The following PPP2R5A variants were observed in gnomAD, a reference collection of about 807,000 sequenced individuals.
The protein encoded by PPP2R5A is protein phosphatase 2 regulatory subunit B'alpha.
A neutral mutation model predicts 64.2 loss-of-function variants in PPP2R5A; 25 were observed. That is an observed-to-expected ratio of 0.39 (90% confidence interval 0.28 to 0.54). PPP2R5A has a LOEUF of 0.54. PPP2R5A is among the 20% of genes least tolerant of loss of function. PPP2R5A has a pLI of 0.67. For missense variants in PPP2R5A, 425 were observed against 576.3 expected (o/e 0.74, Z 2.69); for synonymous variants, 198 against 201.2 (o/e 0.98, Z 0.13).
chr1:212,305,671 A>AT lies in PPP2R5A; in HGVS notation c.181+19384dup, dbSNP rs760010526. 9.2e-5 allele frequency among the ~76,000 whole-genome samples: 14 copies of AT among 151,594 alleles called. No homozygotes were observed. The South Asian group carries it at 2.9e-3, about 32-fold the overall frequency. ...AGGCTTCAACTATCATTGCTTTTGA[A>AT]TTTTCTATTTCTCTCTTTGTTTCTG... On this transcript the variant is annotated intron_variant, in intron 1 of 12. Coordinates refer to ENST00000261461, the MANE Select transcript of PPP2R5A (RefSeq NM_006243.4).
chr1:212,287,000 G>A (rs1255888272), intron 1 of PPP2R5A, among the ~76,000 whole-genome samples: 5 of 152,188 alleles, frequency 3.3e-5, no homozygotes, highest in African/African-American at 1.2e-4. Flanking sequence ...TTGGAAATAC[G>A]AAGGAGTAGG....
chr1:212,348,385 C>T lies in PPP2R5A; in HGVS notation c.765-4C>T. On this transcript the variant is annotated splice_region_variant and splice_polypyrimidine_tract_variant and intron_variant, in intron 6 of 12. Coordinates refer to ENST00000261461, the MANE Select transcript of PPP2R5A (RefSeq NM_006243.4). ...ACCCTTCCCCTGCCTTTTTTTCCCT[C>T]CAGTATTATCAATGGCTTTGCATTG... The T allele has an allele frequency of 6.3e-7, 1 of 1,584,644 alleles. No homozygotes were observed. Among genetic ancestry groups the T allele is most frequent in the Non-Finnish European group, 8.7e-7 (1 of 1,155,682 alleles).
intron 1 of PPP2R5A, among the ~76,000 whole-genome samples, chr1:212,295,390 G>C (rs1658675229): frequency 1.3e-5 from 2 of 152,330 alleles, no homozygotes; most frequent in South Asian, 4.1e-4. Context: ...ATGGTTCTTT[G>C]TTGGACAGGT....
At chr1:212,329,492 C>A (rs1379559817) in intron 2 of PPP2R5A, among the ~76,000 whole-genome samples, 161 bp downstream of exon 2, 3 of 152,032 alleles carry the variant, frequency 2.0e-5, no homozygotes, top group Non-Finnish European at 2.9e-5. Context: ...ACCATCATTG[C>A]ATATACAAGT....
chr1:212,322,054 G>A (rs1381047846), intron 1 of PPP2R5A, among the ~76,000 whole-genome samples: 86 of 151,550 alleles, frequency 5.7e-4, no homozygotes, highest in African/African-American at 1.6e-3. Context: ...CAGGCGTGGC[G>A]GCGCGCGCCT....
At chr1:212,352,456 T>G (rs1424176272) in intron 8 of PPP2R5A, among the ~76,000 whole-genome samples, 1 of 138,634 alleles carries the variant, frequency 7.2e-6, no homozygotes, top group African/African-American at 2.5e-5. Context: ...TGTTTTGGGT[T>G]TTTTTTTTTT....
chr1:212,314,267 A>G (rs1238981101), intron 1 of PPP2R5A, among the ~76,000 whole-genome samples: 1 of 152,176 alleles, frequency 6.6e-6, no homozygotes, highest in Non-Finnish European at 1.5e-5. Context: ...TCCATCCTCT[A>G]GTTTTCTAGT....
At chr1:212,322,587 C>T (rs1659327546) in intron 1 of PPP2R5A, among the ~76,000 whole-genome samples, 2 of 152,078 alleles carry the variant, frequency 1.3e-5, no homozygotes, top group African/African-American at 4.8e-5. Context: ...AGTAGGCCAG[C>T]CAGCAGTACA....
chr1:212,339,010 C>G (rs764180736), intron 3 of PPP2R5A, among the ~76,000 whole-genome samples: 1 of 152,020 alleles, frequency 6.6e-6, no homozygotes, highest in African/African-American at 2.4e-5. Flanking sequence ...TTCTATGTTA[C>G]GGTGTGATAC....
At chr1:212,290,186 T>G (rs751877025) in intron 1 of PPP2R5A, among the ~76,000 whole-genome samples, 4 of 152,230 alleles carry the variant, frequency 2.6e-5, no homozygotes, top group Non-Finnish European at 5.9e-5. Flanking sequence ...AATAGTGGTG[T>G]TGATTGCAGT....
chr1:212,357,147 CT>C lies in PPP2R5A; in HGVS notation c.1099-3del, dbSNP rs748970590. 8 of 1,577,514 alleles carry C rather than the reference CT, an allele frequency of 5.1e-6. No homozygotes were observed. Among genetic ancestry groups the C allele is most frequent in the Admixed American group, 3.9e-5 (2 of 51,844 alleles). On this transcript the variant is annotated splice_polypyrimidine_tract_variant and intron_variant, in intron 10 of 12. Coordinates refer to ENST00000261461, the MANE Select transcript of PPP2R5A (RefSeq NM_006243.4). ...TTAGTTTTGACATTTCTCTAAATGT[CT>C]TTTTTTAGGTTGCAGAAAGGGCATT...
intron 1 of PPP2R5A, among the ~76,000 whole-genome samples, chr1:212,303,999 G>A (rs1284205201): frequency 2.6e-5 from 4 of 151,990 alleles, no homozygotes; most frequent in Admixed American, 6.5e-5. Flanking sequence ...GGATTGTTTC[G>A]GCTGTTATTG....
intron 1 of PPP2R5A, among the ~76,000 whole-genome samples, chr1:212,289,836 A>G (rs1571570453): frequency 6.6e-6 from 1 of 152,214 alleles, no homozygotes; most frequent in African/African-American, 2.4e-5. Context: ...GATTTTATTT[A>G]TAATCAGTTT....
chr1:212,313,200 G>A (rs112606030), intron 1 of PPP2R5A, among the ~76,000 whole-genome samples: 110 of 152,254 alleles, frequency 7.2e-4, no homozygotes, highest in African/African-American at 2.5e-3. Context: ...TTCCCACAGC[G>A]ATCACAGTCC....
At chr1:212,308,074 T>C (rs899593031) in intron 1 of PPP2R5A, among the ~76,000 whole-genome samples, 1 of 152,062 alleles carries the variant, frequency 6.6e-6, no homozygotes, top group African/African-American at 2.4e-5. Flanking sequence ...GATCTTGAAC[T>C]CCTGAGTCCA....
intron 12 of PPP2R5A, among the ~76,000 whole-genome samples, chr1:212,360,089 A>G (rs1391759888): frequency 6.6e-6 from 1 of 152,244 alleles, no homozygotes; most frequent in Admixed American, 6.5e-5. Context: ...TTGAAACGAC[A>G]TATGAAATAT....
chr1:212,328,984 C>A, intron 1 of PPP2R5A, 151 bp from the exon 2 acceptor site: 1 of 508,114 alleles, frequency 2.0e-6, no homozygotes, highest in Non-Finnish European at 3.2e-6. Flanking sequence ...CAGTATAAAT[C>A]CCTGAATGAT....
At chr1:212,321,559 C>A (rs1414421908) in intron 1 of PPP2R5A, among the ~76,000 whole-genome samples, 1 of 148,944 alleles carries the variant, frequency 6.7e-6, no homozygotes, top group African/African-American at 2.5e-5. Context: ...GACGGGGCGG[C>A]CGGGCAGAGA....
intron 1 of PPP2R5A, among the ~76,000 whole-genome samples, chr1:212,291,860 A>G (rs1658607435): frequency 6.6e-6 from 1 of 152,140 alleles, no homozygotes; most frequent in African/African-American, 2.4e-5. Context: ...TGATTTTTGG[A>G]GCTGGCAGGT....
Sources: allele counts gnomAD v4.1 joint callset (sites outside exome capture counted in the v4.1 genomes callset), GRCh38; gene constraint gnomAD v4.1.1; transcripts MANE v1.5; gene names NCBI Gene and HGNC (gene_info 2026-07-23, HGNC 2026-07-21).